NOL4: variants seen among roughly 807,000 people sequenced by gnomAD.
NOL4 encodes cancer/testis antigen 125.
Under a neutral mutation model 75.9 loss-of-function variants are expected in NOL4, and 17 were observed. The ratio of observed to expected loss-of-function variants is 0.22; its 90% CI spans 0.15 to 0.34. The LOEUF (loss-of-function observed/expected upper bound fraction) is 0.34. NOL4 is among the 10% of genes least tolerant of loss of function. NOL4 has a pLI of 1.00. For synonymous variants in NOL4, 292 were observed against 289.9 expected (o/e 1.01, Z -0.07); for missense variants, 614 against 793.5 (o/e 0.77, Z 2.72).
At chr18:33,898,538 C>T (rs907697480) in intron 9 of NOL4, among the ~76,000 whole-genome samples, 1 of 152,102 alleles carries the variant, frequency 6.6e-6, no homozygotes, top group Non-Finnish European at 1.5e-5. Flanking sequence ...ATGCACCATG[C>T]CATTTTTTCT....
At chr18:34,203,891 CT>C (rs1242297960) in intron 1 of NOL4, among the ~76,000 whole-genome samples, 1 of 151,944 alleles carries the variant, frequency 6.6e-6, no homozygotes, top group Non-Finnish European at 1.5e-5. Flanking sequence ...AGGGACTCCA[CT>C]ACATCATCCG....
intron 9 of NOL4, among the ~76,000 whole-genome samples, chr18:33,891,830 C>T (rs2065113166): frequency 6.6e-6 from 1 of 152,176 alleles, no homozygotes; most frequent in Admixed American, 6.6e-5. Context: ...ACAGTAACTG[C>T]ACTAAGTAGC....
At chr18:34,051,673 C>T (rs1402608225) in intron 5 of NOL4, among the ~76,000 whole-genome samples, 1 of 152,024 alleles carries the variant, frequency 6.6e-6, no homozygotes, top group Non-Finnish European at 1.5e-5. Context: ...AGCATACAGT[C>T]ACTCAGCATA....
At chr18:34,178,672 T>G (rs1327546204) in intron 1 of NOL4, among the ~76,000 whole-genome samples, 3 of 151,676 alleles carry the variant, frequency 2.0e-5, no homozygotes, top group Non-Finnish European at 3.0e-5. Flanking sequence ...TTTCAATATG[T>G]GTACTTAACA....
chr18:34,028,191 G>A (rs1007062500), intron 5 of NOL4, among the ~76,000 whole-genome samples: 5 of 152,144 alleles, frequency 3.3e-5, no homozygotes, highest in African/African-American at 1.2e-4. Context: ...CTACACCAAT[G>A]TCACATAAGC....
chr18:34,093,402 C>T, intron 5 of NOL4, 63 bp downstream of exon 5: 2 of 1,456,708 alleles, frequency 1.4e-6, no homozygotes, highest in Non-Finnish European at 9.2e-7. Context: ...GTTGTTGTTT[C>T]CATGCATTCT....
chr18:34,210,323 A>C (rs1388053254), intron 1 of NOL4, among the ~76,000 whole-genome samples: 12 of 152,236 alleles, frequency 7.9e-5, no homozygotes, highest in Admixed American at 7.9e-4. Flanking sequence ...TAAGTAGTTC[A>C]GAATTCGAAG....
At chr18:33,946,889 A>T (rs930494241) in intron 8 of NOL4, among the ~76,000 whole-genome samples, 3 of 151,684 alleles carry the variant, frequency 2.0e-5, no homozygotes, top group Non-Finnish European at 4.4e-5. Context: ...ACTATACACG[A>T]ACCATAATAA....
chr18:34,109,700 A>T (rs1394818885), intron 2 of NOL4, among the ~76,000 whole-genome samples: 1 of 152,074 alleles, frequency 6.6e-6, no homozygotes, highest in Non-Finnish European at 1.5e-5. Context: ...CCAGAAAAAC[A>T]ATAAAAAAGA....
chr18:34,097,287 A>G (rs1217185528), intron 4 of NOL4, among the ~76,000 whole-genome samples: 1 of 152,198 alleles, frequency 6.6e-6, no homozygotes, highest in Non-Finnish European at 1.5e-5. Flanking sequence ...TTTAAAACTT[A>G]TCATCTGCTC....
chr18:33,882,604 G>A (rs1480679605), intron 10 of NOL4, among the ~76,000 whole-genome samples: 1 of 148,996 alleles, frequency 6.7e-6, no homozygotes, highest in Non-Finnish European at 1.5e-5. Context: ...TTACACTGTT[G>A]GTGGGACTGT....
chr18:34,045,284 T>C (rs916113445), intron 5 of NOL4, among the ~76,000 whole-genome samples: 2 of 152,158 alleles, frequency 1.3e-5, no homozygotes, highest in Non-Finnish European at 2.9e-5. Context: ...AGGCCTATGA[T>C]TTCTTTCCCA....
At chr18:34,091,702 G>A (rs774370554) in intron 5 of NOL4, among the ~76,000 whole-genome samples, 2 of 152,164 alleles carry the variant, frequency 1.3e-5, no homozygotes, top group African/African-American at 2.4e-5. Flanking sequence ...TTTGTATGTA[G>A]ATTCTAATAA....
intron 9 of NOL4, among the ~76,000 whole-genome samples, chr18:33,940,086 G>A (rs551850238): frequency 2.8e-4 from 42 of 152,150 alleles, no homozygotes; most frequent in African/African-American, 9.1e-4. Flanking sequence ...GAATAGGAAC[G>A]CTTTCACACT....
intron 10 of NOL4, among the ~76,000 whole-genome samples, chr18:33,857,170 T>A (rs2062875056): frequency 6.6e-6 from 1 of 152,034 alleles, no homozygotes; most frequent in Non-Finnish European, 1.5e-5. Context: ...CTATTAAAGT[T>A]TAAACTGGAA....
intron 9 of NOL4, among the ~76,000 whole-genome samples, chr18:33,930,390 A>T (rs759103005): frequency 1.3e-5 from 2 of 152,092 alleles, no homozygotes; most frequent in Non-Finnish European, 2.9e-5. Context: ...TTGTAATCAC[A>T]TTTCTCTGTA....
chr18:34,145,404 T>A (rs2081356049), intron 1 of NOL4, among the ~76,000 whole-genome samples: 1 of 151,880 alleles, frequency 6.6e-6, no homozygotes, highest in Admixed American at 6.6e-5. Flanking sequence ...AAAAGCAGTA[T>A]GATTTAAACT....
At chr18:33,979,911 C>T (rs1353603458) in intron 6 of NOL4, among the ~76,000 whole-genome samples, 6 of 151,938 alleles carry the variant, frequency 3.9e-5, no homozygotes, top group Non-Finnish European at 5.9e-5. Context: ...TGACCTGCCT[C>T]ATAAGAAAGC....
At chr18:33,864,054 G>T (rs910369615) in intron 10 of NOL4, among the ~76,000 whole-genome samples, 3 of 152,144 alleles carry the variant, frequency 2.0e-5, no homozygotes, top group African/African-American at 7.2e-5. Flanking sequence ...ACTGGAGCTG[G>T]AGTGGCTGGG....
Sources: allele counts gnomAD v4.1 joint callset (sites outside exome capture counted in the v4.1 genomes callset), GRCh38; gene constraint gnomAD v4.1.1; transcripts MANE v1.5; gene names NCBI Gene and HGNC (gene_info 2026-07-23, HGNC 2026-07-21).